S100Z: variants seen among roughly 807,000 people sequenced by gnomAD.
The protein encoded by S100Z is protein S100-Z.
S100Z carries 11 observed loss-of-function variants against 8.5 expected under a neutral mutation model. The ratio of observed to expected loss-of-function variants is 1.30; its 90% confidence interval spans 0.82 to 2.15. S100Z has a LOEUF of 2.15. Ranked by LOEUF, S100Z falls within the 30% of genes most tolerant of loss-of-function variation. S100Z has a pLI of 0.00. For missense variants in S100Z, 126 were observed against 117.9 expected, an observed-to-expected ratio of 1.07 and a Z score of -0.32; for synonymous variants, 34 against 43.8, an observed-to-expected ratio of 0.78 and a Z score of 0.89.
rs143649683 is a variant in S100Z, at chr5:76,895,080, G to A, written c.*2+17246G>A. 4.7e-3 allele frequency among the ~76,000 whole-genome samples: 712 copies of A among 152,070 alleles called. 12 individuals carry two copies. Among genetic ancestry groups the A allele is most frequent in the African/African-American group, 0.016 (671 of 41,492 alleles). On this transcript the variant is annotated intron_variant, in intron 4 of 4. Coordinates refer to ENST00000317593, the MANE Select transcript of S100Z (RefSeq NM_130772.4). The stretch of plus-strand genomic sequence containing the variant: ...TCTGAGACCACTTATTTAGCCATGC[G>A]TGGCCACTCCCCCTCTGCATTGTCA...
intron 1 of S100Z, among the ~76,000 whole-genome samples, chr5:76,868,831 T>G (rs1244718102): frequency 6.6e-6 from 1 of 152,008 alleles, no homozygotes; most frequent in East Asian, 1.9e-4. Flanking sequence ...ACCGTTTTGG[T>G]CAGGCTGGTC....
chr5:76,852,592 C>T (rs1324591499), intron 1 of S100Z, among the ~76,000 whole-genome samples: 1 of 152,148 alleles, frequency 6.6e-6, no homozygotes, highest in Non-Finnish European at 1.5e-5. Flanking sequence ...CACCTGTAAT[C>T]CCAGCTACTC....
intron 1 of S100Z, among the ~76,000 whole-genome samples, 168 bp downstream of exon 1, chr5:76,850,323 C>CG (rs1392731511): frequency 0.15 from 810 of 5,364 alleles, 12 homozygotes; most frequent in African/African-American, 0.28. Context: ...ACAAAGGGGT[C>CG]GGGGGGGTGG....
the S100Z span, among the ~76,000 whole-genome samples, chr5:76,943,769 T>TAAG: frequency 1.3e-5 from 2 of 151,346 alleles, no homozygotes; most frequent in African/African-American, 4.8e-5. Flanking sequence ...ACCTTAGAGA[T>TAAG]GAGAATGACC....
chr5:76,929,041 G>T, the S100Z span, among the ~76,000 whole-genome samples: 1 of 152,204 alleles, frequency 6.6e-6, no homozygotes. Flanking sequence ...TCTGTGCCTG[G>T]CTATTTGGCT....
intron 1 of S100Z, among the ~76,000 whole-genome samples, chr5:76,866,257 G>A (rs894472586): frequency 6.6e-6 from 1 of 151,748 alleles, no homozygotes; most frequent in Non-Finnish European, 1.5e-5. Flanking sequence ...GCTAATTTTT[G>A]TATTTTTAGC....
the S100Z span, among the ~76,000 whole-genome samples, chr5:76,929,312 A>G: frequency 6.6e-6 from 1 of 152,186 alleles, no homozygotes; most frequent in Non-Finnish European, 1.5e-5. Flanking sequence ...TGAGGCTTTG[A>G]TTTGTATATG....
chr5:76,883,579 T>C (rs912707790), intron 4 of S100Z, among the ~76,000 whole-genome samples: 4 of 152,132 alleles, frequency 2.6e-5, no homozygotes, highest in African/African-American at 9.7e-5. Flanking sequence ...TACCCTCCAC[T>C]GTAAGAGTTA....
the S100Z span, among the ~76,000 whole-genome samples, chr5:76,934,256 C>T: frequency 6.6e-6 from 1 of 152,188 alleles, no homozygotes; most frequent in Non-Finnish European, 1.5e-5. Flanking sequence ...TGGGCTCCAC[C>T]CTACTAAGAT....
chr5:76,945,711 C>T, the S100Z span, among the ~76,000 whole-genome samples: 3 of 152,290 alleles, frequency 2.0e-5, no homozygotes, highest in South Asian at 6.2e-4. Flanking sequence ...ACCTTCTCCC[C>T]ACTATCACCC....
At chr5:76,890,115 C>G (rs530390184) in intron 4 of S100Z, among the ~76,000 whole-genome samples, 1 of 152,256 alleles carries the variant, frequency 6.6e-6, no homozygotes, top group South Asian at 2.1e-4. Context: ...CCTCTGCCTC[C>G]CAGGTTCAGG....
At chr5:76,904,063 A>G (rs1580053738) in intron 4 of S100Z, among the ~76,000 whole-genome samples, 2 of 152,160 alleles carry the variant, frequency 1.3e-5, no homozygotes, top group South Asian at 4.2e-4. Context: ...TTTGTAAAGT[A>G]TCTGTTTACA....
chr5:76,877,093 C>T (rs1347414298), intron 3 of S100Z, among the ~76,000 whole-genome samples: 1 of 152,056 alleles, frequency 6.6e-6, no homozygotes, highest in Non-Finnish European at 1.5e-5. Context: ...TTGAGACATA[C>T]TAAAACTAAA....
At chr5:76,908,107 G>A (rs1199586732) in intron 4 of S100Z, among the ~76,000 whole-genome samples, 1 of 152,142 alleles carries the variant, frequency 6.6e-6, no homozygotes, top group Non-Finnish European at 1.5e-5. Flanking sequence ...ACTCCAGCCT[G>A]GGCAACAGAG....
intron 4 of S100Z, among the ~76,000 whole-genome samples, chr5:76,902,529 A>T (rs530785892): frequency 6.6e-6 from 1 of 152,118 alleles, no homozygotes; most frequent in African/African-American, 2.4e-5. Flanking sequence ...CTGTTTTATT[A>T]ATCTCTTCAG....
intron 1 of S100Z, among the ~76,000 whole-genome samples, chr5:76,859,784 A>AAAAG (rs937439612): frequency 6.7e-6 from 1 of 150,220 alleles, no homozygotes; most frequent in African/African-American, 2.5e-5. Context: ...AAAAAAAAAA[A>AAAAG]AGAAATAAGA....
At chr5:76,906,976 G>GTGTATATATA (rs1187679380) in intron 4 of S100Z, among the ~76,000 whole-genome samples, 1 of 21,796 alleles carries the variant, frequency 4.6e-5, no homozygotes, top group African/African-American at 2.2e-4. Flanking sequence ...TTGTGTGTGT[G>GTGTATATATA]TATATATATA....
At chr5:76,947,225 G>C in the S100Z span, among the ~76,000 whole-genome samples, 3 of 151,846 alleles carry the variant, frequency 2.0e-5, no homozygotes, top group South Asian at 4.2e-4. Flanking sequence ...TCTGGAAGAA[G>C]TCTTCGTGTC....
chr5:76,870,939 T>A, intron 2 of S100Z, among the ~76,000 whole-genome samples: 1 of 152,176 alleles, frequency 6.6e-6, no homozygotes, highest in Non-Finnish European at 1.5e-5. Context: ...GTGGGCAACA[T>A]AGCAAGACTC....
Sources: allele counts gnomAD v4.1 joint callset (sites outside exome capture counted in the v4.1 genomes callset), GRCh38; gene constraint gnomAD v4.1.1; transcripts MANE v1.5; gene names NCBI Gene and HGNC (gene_info 2026-07-23, HGNC 2026-07-21).